The following PSMB1 variants were observed in gnomAD, a reference collection of about 807,000 sequenced individuals.
The protein encoded by PSMB1 is proteasome subunit beta type-1.
Under a neutral mutation model 25.4 loss-of-function variants are expected in PSMB1, and 7 were observed. The observed-to-expected ratio is 0.28, with a 90% CI of 0.16 to 0.52. The LOEUF is 0.52. Ranked by LOEUF, PSMB1 falls within the 20% of genes least tolerant of loss-of-function variation. The probability of loss-of-function intolerance (pLI) is 0.97; values close to 1 mark genes in which losing one functional copy is unlikely to be tolerated. For missense variants in PSMB1, 284 were observed against 302.2 expected, an observed-to-expected ratio of 0.94 and a Z score of 0.45; for synonymous variants, 119 against 115.0, an observed-to-expected ratio of 1.03 and a Z score of -0.22.
rs571338835 is a variant in PSMB1, at chr6:170,540,564, A to G, written c.433+3037T>C. ...ACTTTCATAATCAAATTTTGGTACA[A>G]GACTCTTCAATGTGAATGGACAGCA... On this transcript the variant is annotated intron_variant, in intron 4 of 5. Transcript: ENST00000262193. 1.4e-4 allele frequency among the ~76,000 whole-genome samples: 21 copies of G among 148,474 alleles called. No homozygotes were observed. The South Asian group carries it at 4.3e-3, about 30-fold the overall frequency.
chr6:170,540,266 G>A (rs1583113467), intron 4 of PSMB1, among the ~76,000 whole-genome samples: 1 of 152,286 alleles, frequency 6.6e-6, no homozygotes, highest in East Asian at 1.9e-4. Flanking sequence ...AGTCTCCTGA[G>A]ACATTAGCAG....
chr6:170,541,381 A>AT, intron 4 of PSMB1, among the ~76,000 whole-genome samples: 1 of 152,262 alleles, frequency 6.6e-6, no homozygotes, highest in Non-Finnish European at 1.5e-5. Flanking sequence ...ACAAAGATCA[A>AT]TATCTATCTG....
chr6:170,551,365 G>A (rs1583118284), intron 1 of PSMB1, among the ~76,000 whole-genome samples: 1 of 152,082 alleles, frequency 6.6e-6, no homozygotes, highest in South Asian at 2.1e-4. Context: ...TAAACAAGGC[G>A]GCTAATGACT....
chr6:170,553,078 A>C, intron 1 of PSMB1, 52 bp downstream of exon 1: 1 of 1,478,864 alleles, frequency 6.8e-7, no homozygotes, highest in Admixed American at 2.0e-5. Flanking sequence ...AATAGGCTTC[A>C]GCAGATGGGG....
At chr6:170,552,568 A>G (rs772626013) in intron 1 of PSMB1, among the ~76,000 whole-genome samples, 14 of 152,164 alleles carry the variant, frequency 9.2e-5, no homozygotes, top group Non-Finnish European at 1.8e-4. Context: ...AGCCAATCCC[A>G]CCTTCTATTT....
intron 1 of PSMB1, among the ~76,000 whole-genome samples, chr6:170,551,785 C>A (rs1230511923): frequency 6.6e-6 from 1 of 152,180 alleles, no homozygotes; most frequent in Non-Finnish European, 1.5e-5. Flanking sequence ...GACAGTTTAA[C>A]GTCTAATATA....
chr6:170,553,288 G>A lies in PSMB1; in HGVS notation c.-46C>T, dbSNP rs1277373437. The A allele has an allele frequency of 3.5e-6, 5 of 1,444,866 alleles. No individual in the cohort carries two copies. Among genetic ancestry groups the A allele is most frequent in the East Asian group, 2.4e-5 (1 of 42,184 alleles). The allele number at this position is 1,444,866 out of a possible 1,614,324, so 89.5% of individuals were successfully genotyped here. On this transcript the variant is annotated 5_prime_UTR_variant, in exon 1 of 6. Coordinates refer to ENST00000262193, the MANE Select transcript of PSMB1 (RefSeq NM_002793.4). Reference sequence around the variant, plus strand: ...TCCGACACTTGCTGTCTCACGGCGAGATGGCTGCCTTGACCGGACGTTACG... The same window carrying A: ...TCCGACACTTGCTGTCTCACGGCGAAATGGCTGCCTTGACCGGACGTTACG...
intron 3 of PSMB1, among the ~76,000 whole-genome samples, chr6:170,545,597 G>T (rs1228682796): frequency 2.0e-5 from 3 of 152,190 alleles, no homozygotes; most frequent in Non-Finnish European, 4.4e-5. Flanking sequence ...AACTGAAGCT[G>T]GTCAGGTGAC....
Position 170,553,238 on chromosome 6 carries a change from A to G in PSMB1, c.5T>C (p.Leu2Ser). 6.2e-7 allele frequency: 1 copy of G among 1,609,896 alleles called. No individual in the cohort carries two copies. Among genetic ancestry groups the G allele is most frequent in the Non-Finnish European group, 8.5e-7 (1 of 1,177,622 alleles). The change falls in exon 1 of 6, where the codon TTG becomes TCG. Residue 2 changes from leucine (L) to serine (S), a missense_variant. Transcript: ENST00000262193. MLSSTAMYSAPG... is the reference protein window; with the variant it reads MSSSTAMYSAPG... ...AGCCGAATACATGGCTGTAGAGGAC[A>G]ACATCGCACGGCTGCGCCTGCGGAT...
intron 1 of PSMB1, among the ~76,000 whole-genome samples, chr6:170,551,996 T>A (rs533929243): frequency 2.6e-5 from 4 of 152,356 alleles, no homozygotes; most frequent in Admixed American, 2.0e-4. Context: ...AAAATCAGAC[T>A]TTCGTTATCT....
Position 170,537,934 on chromosome 6 carries a change from C to T in PSMB1, c.434-594G>A, listed in dbSNP as rs529548565. On this transcript the variant is annotated intron_variant, in intron 4 of 5. Transcript: ENST00000262193. ...GAAGAGGAGAACTTGAAGGAAAGCACGACTTATGTATATAGACAGGTCCAA... is the reference window on the plus strand; with the variant it reads ...GAAGAGGAGAACTTGAAGGAAAGCATGACTTATGTATATAGACAGGTCCAA... Among the ~76,000 whole-genome samples, 38 of 152,234 alleles carry T rather than the reference C, an allele frequency of 2.5e-4. 1 individual carries two copies. Among genetic ancestry groups the T allele is most frequent in the Admixed American group, 1.8e-3 (28 of 15,292 alleles).
chr6:170,543,477 T>C, intron 4 of PSMB1, 124 bp downstream of exon 4: 2 of 1,035,294 alleles, frequency 1.9e-6, no homozygotes, highest in South Asian at 2.3e-5. Context: ...ACTTTCATTA[T>C]CAGAAATGAA....
At chr6:170,539,952 G>C (rs1029081924) in intron 4 of PSMB1, among the ~76,000 whole-genome samples, 1 of 152,130 alleles carries the variant, frequency 6.6e-6, no homozygotes, top group Non-Finnish European at 1.5e-5. Context: ...AGATCTCCTT[G>C]ATAATACATA....
At chr6:170,550,645 G>A (rs1778881334) in intron 1 of PSMB1, among the ~76,000 whole-genome samples, 1 of 152,154 alleles carries the variant, frequency 6.6e-6, no homozygotes, top group South Asian at 2.1e-4. Flanking sequence ...TATGTGAAAT[G>A]GGACAGAAAC....
chr6:170,537,724 A>G (rs1168968311), intron 4 of PSMB1, among the ~76,000 whole-genome samples: 1 of 152,206 alleles, frequency 6.6e-6, no homozygotes, highest in Non-Finnish European at 1.5e-5. Flanking sequence ...TAACCACTGC[A>G]GATGTAAAAC....
intron 1 of PSMB1, chr6:170,550,417 A>C (rs1286098674): frequency 6.6e-6 from 1 of 152,248 alleles, no homozygotes; most frequent in Non-Finnish European, 1.5e-5. Context: ...TTAGCAAGAA[A>C]TCATGAAGGT....
intron 2 of PSMB1, among the ~76,000 whole-genome samples, 171 bp downstream of exon 2, chr6:170,548,835 G>C (rs1248787525): frequency 6.6e-6 from 1 of 152,152 alleles, no homozygotes; most frequent in African/African-American, 2.4e-5. Context: ...ATATTATTAA[G>C]ACTGCACATT....
chr6:170,541,033 G>C (rs565407062), intron 4 of PSMB1, among the ~76,000 whole-genome samples: 1 of 152,176 alleles, frequency 6.6e-6, no homozygotes, highest in South Asian at 2.1e-4. Flanking sequence ...CCAGGGTAAA[G>C]AAAAGATCCT....
At chr6:170,547,900 T>G (rs865868451) in intron 2 of PSMB1, among the ~76,000 whole-genome samples, 4 of 101,172 alleles carry the variant, frequency 4.0e-5, no homozygotes, top group Non-Finnish European at 6.7e-5. Context: ...AAAAAAAAAG[T>G]GCTCACTTCA....
Sources: gnomAD v4.1 joint callset for allele counts (sites outside exome capture counted in the v4.1 genomes callset) on GRCh38, gnomAD v4.1.1 for gene constraint, MANE v1.5 for transcripts, NCBI Gene and HGNC (gene_info 2026-07-23, HGNC 2026-07-21) for gene names.